The following ATP11B variants were observed in gnomAD, a reference collection of about 807,000 sequenced individuals.
The protein encoded by ATP11B is ATPase phospholipid transporting 11B (putative), also known as phospholipid-transporting ATPase IF.
Under a neutral mutation model 157.8 loss-of-function variants are expected in ATP11B, and 81 were observed. The ratio of observed to expected loss-of-function variants is 0.51; its 90% confidence interval spans 0.43 to 0.62. The LOEUF (loss-of-function observed/expected upper bound fraction) is 0.62, where lower values mean the gene tolerates loss of function less well. Ranked by LOEUF, ATP11B falls within the 20% of genes least tolerant of loss-of-function variation. The pLI is 0.00. For synonymous variants in ATP11B, 451 were observed against 469.4 expected (o/e 0.96, Z 0.51); for missense variants, 1,165 against 1,402.2 (o/e 0.83, Z 2.70).
intron 1 of ATP11B, among the ~76,000 whole-genome samples, chr3:182,795,147 A>G (rs914244805): frequency 4.6e-5 from 7 of 152,038 alleles, no homozygotes; most frequent in Admixed American, 2.0e-4. Flanking sequence ...CTTTATTAGG[A>G]AACCAAGCTA....
chr3:182,793,945 G>A lies in ATP11B; in HGVS notation c.27+159G>A, dbSNP rs182299445. On this transcript the variant is annotated intron_variant, in intron 1 of 29. Transcript: ENST00000323116. Reference sequence around the variant, plus strand: ...GGGCGCGGGGCCCAGAGCCGGAGAAGCCCCGTGCGGCTCCCGGGCTCGTCT... The same window carrying A: ...GGGCGCGGGGCCCAGAGCCGGAGAAACCCCGTGCGGCTCCCGGGCTCGTCT... Among the ~76,000 whole-genome samples, 781 of 151,962 alleles carry A rather than the reference G, an allele frequency of 5.1e-3. 4 individuals are homozygous for A. Among genetic ancestry groups the A allele is most frequent in the Non-Finnish European group, 7.8e-3 (530 of 67,918 alleles).
intron 28 of ATP11B, among the ~76,000 whole-genome samples, chr3:182,907,720 A>G (rs1404450295): frequency 6.6e-6 from 1 of 152,212 alleles, no homozygotes; most frequent in Admixed American, 6.5e-5. Flanking sequence ...TGGATAGTCT[A>G]CAAAGCAGAT....
intron 8 of ATP11B, 96 bp downstream of exon 8, chr3:182,842,218 C>A: frequency 1.2e-6 from 1 of 853,170 alleles, no homozygotes; most frequent in Non-Finnish European, 1.9e-6. Flanking sequence ...AATAAGCAGC[C>A]CATCATGGGA....
intron 29 of ATP11B, 38 bp downstream of exon 29, chr3:182,914,032 G>C: frequency 6.2e-7 from 1 of 1,612,110 alleles, no homozygotes; most frequent in Non-Finnish European, 8.5e-7. Context: ...CTGCAGATGA[G>C]TATCCTATCT....
chr3:182,796,231 A>G (rs1406313162), intron 1 of ATP11B, among the ~76,000 whole-genome samples: 1 of 151,660 alleles, frequency 6.6e-6, no homozygotes, highest in African/African-American at 2.4e-5. Context: ...TTGGCACACA[A>G]TGTTAAAGTT....
At chr3:182,834,403 A>G (rs1718383261) in intron 4 of ATP11B, among the ~76,000 whole-genome samples, 1 of 152,150 alleles carries the variant, frequency 6.6e-6, no homozygotes, top group Non-Finnish European at 1.5e-5. Flanking sequence ...AGAATATAGT[A>G]AGTCTTAGAC....
At chr3:182,800,329 C>T (rs945571282) in intron 1 of ATP11B, among the ~76,000 whole-genome samples, 3 of 151,570 alleles carry the variant, frequency 2.0e-5, no homozygotes, top group Admixed American at 6.6e-5. Flanking sequence ...TCAAATGATC[C>T]TCCTGCCTCA....
intron 4 of ATP11B, among the ~76,000 whole-genome samples, chr3:182,832,726 A>G (rs1373793027): frequency 1.3e-5 from 2 of 152,118 alleles, no homozygotes; most frequent in South Asian, 2.1e-4. Flanking sequence ...CTTCTCTCCA[A>G]TTGTGTAATG....
chr3:182,903,986 T>G (rs964421964), intron 28 of ATP11B, among the ~76,000 whole-genome samples: 1 of 152,184 alleles, frequency 6.6e-6, no homozygotes, highest in Admixed American at 6.5e-5. Flanking sequence ...ATCAAAGAAA[T>G]CACAGATTCT....
chr3:182,841,203 C>T (rs965475145), intron 7 of ATP11B, among the ~76,000 whole-genome samples: 10 of 152,194 alleles, frequency 6.6e-5, no homozygotes, highest in African/African-American at 1.9e-4. Flanking sequence ...TTAGTACGCA[C>T]GCTGATCCTT....
At chr3:182,894,817 T>A (rs898101182) in intron 25 of ATP11B, among the ~76,000 whole-genome samples, 5 of 151,886 alleles carry the variant, frequency 3.3e-5, no homozygotes, top group African/African-American at 1.2e-4. Flanking sequence ...GGTCCCCGGT[T>A]GCATCAAAGT....
intron 21 of ATP11B, among the ~76,000 whole-genome samples, chr3:182,883,288 A>G (rs1287502277): frequency 2.0e-5 from 3 of 149,948 alleles, no homozygotes; most frequent in Admixed American, 6.7e-5. Flanking sequence ...ATAGAGCTTC[A>G]CTCTTGTTTG....
chr3:182,830,119 A>C (rs552244019), intron 4 of ATP11B: 1 of 249,872 alleles, frequency 4.0e-6, no homozygotes, highest in Non-Finnish European at 6.4e-6. Flanking sequence ...GTTTATAGAG[A>C]GCAGGGTATA....
intron 7 of ATP11B, among the ~76,000 whole-genome samples, chr3:182,841,548 C>G (rs1264457868): frequency 6.6e-6 from 1 of 152,188 alleles, no homozygotes; most frequent in Non-Finnish European, 1.5e-5. Context: ...TTCATTACCT[C>G]ATTCATAGCT....
At chr3:182,824,266 TATTTTCCCTTTAC>T (rs558819696) in intron 2 of ATP11B, among the ~76,000 whole-genome samples, 179 of 152,298 alleles carry the variant, frequency 1.2e-3, no homozygotes, top group Non-Finnish European at 1.6e-3. Flanking sequence ...TGACAATCAG[TATTTTCCCTTTAC>T]ATTTCCAGCT....
intron 19 of ATP11B, among the ~76,000 whole-genome samples, chr3:182,879,268 G>A (rs1722257391): frequency 1.3e-5 from 2 of 152,100 alleles, no homozygotes; most frequent in South Asian, 4.1e-4. Context: ...ACAAAAAAGA[G>A]AAAGAAAGAA....
chr3:182,800,844 G>A (rs967077668), intron 1 of ATP11B, among the ~76,000 whole-genome samples: 96 of 149,408 alleles, frequency 6.4e-4, no homozygotes, highest in African/African-American at 2.2e-3. Flanking sequence ...GCAGTGGCGC[G>A]ATCTCCGCTC....
intron 10 of ATP11B, among the ~76,000 whole-genome samples, chr3:182,857,538 A>G (rs1560091191): frequency 6.7e-6 from 1 of 148,960 alleles, no homozygotes; most frequent in Non-Finnish European, 1.5e-5. Flanking sequence ...TTTAGCTATT[A>G]CACTTAAGGT....
rs1272884404 is a variant in ATP11B, at chr3:182,887,710, A to T, written c.2840A>T (p.Tyr947Phe). The change falls in exon 24 of 30, where the codon TAT becomes TTT. Residue 947 changes from tyrosine (Y) to phenylalanine (F), a missense_variant. Tyr to Phe is a conservative substitution (Grantham distance 22). Transcript: ENST00000323116. The stretch of plus-strand genomic sequence containing the variant: ...GTGTTACAAAATAAGCCCACCCTTT[A>T]TCGGTAAGTATTTTCTGGTATTAAA... ...PHVLQNKPTL[Y>F]RDISKNRLLS... 1 of 1,608,406 alleles carries T rather than the reference A, an allele frequency of 6.2e-7. No homozygotes were observed. Among genetic ancestry groups the T allele is most frequent in the Admixed American group, 1.7e-5 (1 of 58,880 alleles).
Sources: allele counts gnomAD v4.1 joint callset (sites outside exome capture counted in the v4.1 genomes callset), GRCh38; gene constraint gnomAD v4.1.1; transcripts MANE v1.5; gene names NCBI Gene and HGNC (gene_info 2026-07-23, HGNC 2026-07-21).